The following TUT4 variants were observed in gnomAD, a reference collection of about 807,000 sequenced individuals.
TUT4 encodes terminal uridylyltransferase 4.
Under a neutral mutation model 192.2 loss-of-function variants are expected in TUT4, and 36 were observed. The observed-to-expected ratio is 0.19, with a 90% CI of 0.14 to 0.25. TUT4 has a LOEUF of 0.25. Ranked by LOEUF, TUT4 falls within the 10% of genes least tolerant of loss-of-function variation. TUT4 has a pLI of 1.00. For missense variants in TUT4, 1,493 were observed against 1,957.2 expected (o/e 0.76, Z 4.47); for synonymous variants, 618 against 666.0 (o/e 0.93, Z 1.11).
chr1:52,456,701 C>T (rs1307834799), intron 20 of TUT4, among the ~76,000 whole-genome samples: 1 of 151,846 alleles, frequency 6.6e-6, no homozygotes, highest in African/African-American at 2.4e-5. Flanking sequence ...GGGAGGATGA[C>T]TAGGCAAAGT....
chr1:52,446,746 A>C (rs982540735), intron 20 of TUT4, 79 bp from the exon 21 acceptor site: 9 of 1,017,156 alleles, frequency 8.8e-6, no homozygotes, highest in Non-Finnish European at 1.3e-5. Flanking sequence ...ACCATTTTAG[A>C]ATTTACCTAT....
chr1:52,538,630 G>C (rs1685608745), intron 1 of TUT4: 1 of 115,326 alleles, frequency 8.7e-6, no homozygotes. Flanking sequence ...CTAGGCAACA[G>C]AGCAAGACTC....
chr1:52,450,529 A>G (rs1307929275), intron 20 of TUT4, among the ~76,000 whole-genome samples: 1 of 152,220 alleles, frequency 6.6e-6, no homozygotes. Flanking sequence ...TAATAGCAAT[A>G]ATGCTGCTAA....
At chr1:52,475,808 A>T (rs1025734475) in intron 12 of TUT4, among the ~76,000 whole-genome samples, 1 of 152,154 alleles carries the variant, frequency 6.6e-6, no homozygotes, top group African/African-American at 2.4e-5. Flanking sequence ...AAGGCCAACT[A>T]AGTAATTAGT....
intron 1 of TUT4, among the ~76,000 whole-genome samples, chr1:52,549,759 T>C (rs182653170): frequency 2.0e-5 from 3 of 152,202 alleles, no homozygotes; most frequent in East Asian, 1.9e-4. Flanking sequence ...ATTCCTCACC[T>C]ATAAACAGGT....
At chr1:52,493,764 A>C in intron 6 of TUT4, 102 bp from the exon 7 acceptor site, 2 of 758,916 alleles carry the variant, frequency 2.6e-6, no homozygotes, top group Non-Finnish European at 2.2e-6. Context: ...TTTAAATATA[A>C]TCATGCTTTG....
At chr1:52,508,513 A>AG (rs1193586516) in intron 4 of TUT4, among the ~76,000 whole-genome samples, 1 of 152,168 alleles carries the variant, frequency 6.6e-6, no homozygotes, top group Non-Finnish European at 1.5e-5. Context: ...TACTGTTGTC[A>AG]GACACTGTCC....
intron 2 of TUT4, among the ~76,000 whole-genome samples, chr1:52,523,055 C>T (rs1262227596): frequency 1.5e-5 from 2 of 130,736 alleles, no homozygotes; most frequent in Non-Finnish European, 1.6e-5. Flanking sequence ...TGCAGTGGCG[C>T]GATCCTGGCT....
intron 9 of TUT4, among the ~76,000 whole-genome samples, chr1:52,486,228 C>A (rs1669752931): frequency 6.6e-6 from 1 of 152,106 alleles, no homozygotes; most frequent in Admixed American, 6.5e-5. Flanking sequence ...ACCCAGATAT[C>A]TCTTTCAGAT....
At chr1:52,442,202 G>A (rs1241966904) in intron 24 of TUT4, among the ~76,000 whole-genome samples, 1 of 144,746 alleles carries the variant, frequency 6.9e-6, no homozygotes, top group Non-Finnish European at 1.5e-5. Flanking sequence ...GTATGCTAGA[G>A]AGCAGACAAA....
At chr1:52,433,068 G>C (rs576838709) in intron 27 of TUT4, 1 of 152,386 alleles carries the variant, frequency 6.6e-6, no homozygotes, top group East Asian at 1.9e-4. Context: ...GCAAATGGCT[G>C]TGAGATACTT....
intron 16 of TUT4, among the ~76,000 whole-genome samples, chr1:52,464,255 A>T (rs77790018): frequency 0.091 from 13,626 of 150,530 alleles, 1,777 homozygotes; most frequent in African/African-American, 0.29. Context: ...TTATTTATTT[A>T]TTTTTTTTTT....
intron 4 of TUT4, among the ~76,000 whole-genome samples, chr1:52,502,408 A>G (rs1207564438): frequency 1.3e-5 from 2 of 152,120 alleles, no homozygotes; most frequent in Non-Finnish European, 2.9e-5. Context: ...TTCAAGTTAC[A>G]GCTTAAAAGT....
At chr1:52,500,694 G>A (rs191027810) in intron 4 of TUT4, among the ~76,000 whole-genome samples, 86 of 152,252 alleles carry the variant, frequency 5.6e-4, no homozygotes, top group Middle Eastern at 3.4e-3. Flanking sequence ...CTCAGGAGGC[G>A]GAGGTTGCAA....
rs775417524 is a variant in TUT4 at position 52,423,976 on chromosome 1, C to G, written c.4897G>C (p.Glu1633Gln). The change falls in exon 30 of 30, where the codon GAG becomes CAG. Residue 1633 changes from glutamate to glutamine, a missense_variant. Glu to Gln is a conservative substitution (Grantham distance 29). Coordinates refer to ENST00000257177, the MANE Select transcript of TUT4 (RefSeq NM_001009881.3). ...QDRCATRRCR[E>Q]RCPHPPRGNV... ...CCTCTTGGTGGGTGGGGACAACGCT[C>G]TCTACACCGACGGGTGGCACATCTG... 41 of 1,612,650 alleles carry G rather than the reference C, an allele frequency of 2.5e-5. No individual in the cohort carries two copies. The highest frequency in any genetic ancestry group is 3.1e-5 in the Non-Finnish European group (37 of 1,179,440).
At chr1:52,489,703 GA>G (rs368201436) in intron 8 of TUT4, among the ~76,000 whole-genome samples, 1 of 152,084 alleles carries the variant, frequency 6.6e-6, no homozygotes, top group African/African-American at 2.4e-5. Context: ...CAATGTGGCA[GA>G]AAAAACACTA....
At chr1:52,493,707 C>A in intron 6 of TUT4, 45 bp from the exon 7 acceptor site, 2 of 1,211,886 alleles carry the variant, frequency 1.7e-6, no homozygotes, top group Admixed American at 4.6e-5. Context: ...TTTCAAAGTT[C>A]GGACAGCAGA....
intron 20 of TUT4, among the ~76,000 whole-genome samples, chr1:52,448,543 T>C (rs1011648597): frequency 2.1e-5 from 3 of 143,948 alleles, no homozygotes; most frequent in Non-Finnish European, 4.5e-5. Flanking sequence ...GAGCTGAGAT[T>C]GTGCCACTAC....
At chr1:52,534,050 G>A (rs959861929) in intron 1 of TUT4, among the ~76,000 whole-genome samples, 2 of 152,156 alleles carry the variant, frequency 1.3e-5, no homozygotes, top group Non-Finnish European at 2.9e-5. Flanking sequence ...ACGGATACCC[G>A]TTATCATAAC....
Sources: allele counts gnomAD v4.1 joint callset (sites outside exome capture counted in the v4.1 genomes callset), GRCh38; gene constraint gnomAD v4.1.1; transcripts MANE v1.5; gene names NCBI Gene and HGNC (gene_info 2026-07-23, HGNC 2026-07-21).